Variants in CIB1 observed in about 807,000 individuals in gnomAD.
CIB1 encodes the protein calcium and integrin binding 1.
CIB1 carries 19 observed loss-of-function variants against 25.0 expected under a neutral mutation model. The observed-to-expected ratio is 0.76, with a 90% confidence interval of 0.53 to 1.12. The LOEUF (loss-of-function observed/expected upper bound fraction) is 1.12. Among genes scored for constraint, CIB1 ranks in the 50% most tolerant of loss-of-function variants. CIB1 has a pLI of 0.00. For synonymous variants in CIB1, 104 were observed against 98.5 expected, an observed-to-expected ratio of 1.06 and a Z score of -0.33; for missense variants, 236 against 242.6, an observed-to-expected ratio of 0.97 and a Z score of 0.18.
chr15:90,262,382 G>C, the CIB1 span: 1 of 1,258,794 alleles, frequency 7.9e-7, no homozygotes, highest in Non-Finnish European at 1.1e-6. Flanking sequence ...TCTCGCATCA[G>C]TCCTAAGAAC....
chr15:90,241,527 A>C, the CIB1 span: 1 of 1,613,620 alleles, frequency 6.2e-7, no homozygotes, highest in East Asian at 2.2e-5. Flanking sequence ...CGGCTTCAAC[A>C]GCCTGGGAGG....
the CIB1 span, chr15:90,250,793 C>T: frequency 6.2e-7 from 1 of 1,614,206 alleles, no homozygotes; most frequent in Non-Finnish European, 8.5e-7. Context: ...GGTTCCCTCA[C>T]CCATTATGGC....
At chr15:90,232,943 C>A (rs1383402480) in intron 2 of CIB1, among the ~76,000 whole-genome samples, 2 of 149,436 alleles carry the variant, frequency 1.3e-5, no homozygotes, top group African/African-American at 4.9e-5. Context: ...AAAAAAAAAA[C>A]GGAGAAAAGA....
rs1038638094 is a variant in CIB1 at position 90,230,395 on chromosome 15, C to T, written c.*89G>A. On this transcript the variant is annotated 3_prime_UTR_variant, in exon 7 of 7. Transcript: ENST00000328649. The stretch of plus-strand genomic sequence containing the variant: ...AGCTCCAGGCTGGGCCAGCTTGGCC[C>T]GCACTGGCAACACAGGCTTGACCTT... The T allele has an allele frequency of 1.1e-5, 16 of 1,497,264 alleles. No individual in the cohort carries two copies. Among genetic ancestry groups the T allele is most frequent in the African/African-American group, 9.7e-5 (7 of 71,836 alleles). 92.7% of individuals were successfully genotyped at this position (1,497,264 alleles called of 1,614,324 possible). A position where few individuals can be genotyped will look rare whatever the true frequency, so the allele number is the denominator to read the frequency against.
upstream of CIB1, among the ~76,000 whole-genome samples, chr15:90,238,784 G>A (rs193153443): frequency 6.6e-6 from 1 of 152,238 alleles, no homozygotes; most frequent in East Asian, 1.9e-4. Context: ...CAAAAGAAGT[G>A]GTCATCTTTG....
chr15:90,262,406 C>A, the CIB1 span: 1 of 1,356,954 alleles, frequency 7.4e-7, no homozygotes, highest in Non-Finnish European at 9.7e-7. Flanking sequence ...TTGTAATTTC[C>A]TGCTCTTTCC....
upstream of CIB1, among the ~76,000 whole-genome samples, chr15:90,237,506 G>A (rs900448697): frequency 4.6e-5 from 7 of 151,870 alleles, no homozygotes; most frequent in East Asian, 9.6e-4. Flanking sequence ...GGATGGTCTC[G>A]GTATCTTGAC....
At position 90,233,563 on chromosome 15, in the gene CIB1, C is replaced by T. The variant is rs551434446; in HGVS notation, c.86+106G>A. ...GGTCTCCCGGCCTCCAGCTCCCGCT[C>T]CTCTGCAGACCTCAGGCCAGCCCCC... On this transcript the variant is annotated intron_variant, in intron 2 of 6. Coordinates refer to ENST00000328649, the MANE Select transcript of CIB1 (RefSeq NM_006384.4). The T allele has an allele frequency of 6.5e-6, 9 of 1,392,108 alleles. 1 individual carries two copies. The South Asian group carries it at 9.9e-5, about 15-fold the overall frequency. 86.2% of individuals were successfully genotyped at this position (1,392,108 alleles called of 1,614,324 possible).
the CIB1 span, among the ~76,000 whole-genome samples, chr15:90,261,179 A>G: frequency 6.6e-6 from 1 of 151,224 alleles, no homozygotes; most frequent in Non-Finnish European, 1.5e-5. Context: ...CCTGGGTTCA[A>G]AAAATTTTCC....
chr15:90,258,280 T>C, the CIB1 span: 12 of 1,613,714 alleles, frequency 7.4e-6, no homozygotes, highest in Non-Finnish European at 9.3e-6. Context: ...GTGAGGATTA[T>C]CTCCTAGGCT....
In CIB1 at chr15:90,231,145, C is replaced by T. The variant is rs1596170501; in HGVS notation, c.415G>A (p.Gly139Ser). 1 of 1,614,208 alleles carries T rather than the reference C, an allele frequency of 6.2e-7. No homozygotes were observed. Among genetic ancestry groups the T allele is most frequent in the Non-Finnish European group, 8.5e-7 (1 of 1,180,042 alleles). Residue 139 changes from glycine (G) to serine (S), a missense_variant, in exon 5 of 7, where the codon GGC (glycine) becomes AGC (serine). Coordinates refer to ENST00000328649, the MANE Select transcript of CIB1 (RefSeq NM_006384.4). ...GACGCACTAAGCCGTGTGTCCTCGC[C>T]CTCTCCCGTGAGGCAGTTCACCAGC... ...SRLVNCLTGE[G>S]EDTRLSASEM...
At chr15:90,252,029 A>G in the CIB1 span, among the ~76,000 whole-genome samples, 5,198 of 145,882 alleles carry the variant, frequency 0.036, 307 homozygotes, top group African/African-American at 0.12. Context: ...CTGCACCACT[A>G]TGCTCACCTA....
At chr15:90,265,646 T>G in the CIB1 span, 1 of 1,590,456 alleles carries the variant, frequency 6.3e-7, no homozygotes, top group Non-Finnish European at 8.6e-7. Flanking sequence ...CCCTTCCACT[T>G]CCGGTCTTAC....
the CIB1 span, among the ~76,000 whole-genome samples, chr15:90,256,567 TTCTTTCTTTCTTTC>T: frequency 3.3e-5 from 1 of 30,426 alleles, no homozygotes; most frequent in Non-Finnish European, 6.4e-5. Flanking sequence ...CTTTCTTTCT[TTCTTTCTTTCTTTC>T]TTTCTTTCTT....
the CIB1 span, among the ~76,000 whole-genome samples, chr15:90,259,395 A>C: frequency 2.6e-3 from 395 of 152,228 alleles, 3 homozygotes; most frequent in African/African-American, 9.2e-3. Flanking sequence ...GTTTCAAAAA[A>C]AAAAAAAGTC....
chr15:90,241,457 G>A, the CIB1 span: 80 of 1,613,628 alleles, frequency 5.0e-5, no homozygotes, highest in South Asian at 3.2e-4. Context: ...GCCTGCTGCC[G>A]GGTGCACTGA....
chr15:90,264,534 T>A, the CIB1 span, among the ~76,000 whole-genome samples: 1 of 152,100 alleles, frequency 6.6e-6, no homozygotes, highest in East Asian at 1.9e-4. Flanking sequence ...GTCCCAGCAC[T>A]CAAGAGGTAA....
upstream of CIB1, chr15:90,234,061 G>C (rs1023972656): frequency 5.6e-6 from 4 of 715,156 alleles, no homozygotes; most frequent in East Asian, 1.3e-4. Flanking sequence ...TTTGGCAGGC[G>C]AGCTGCCGGC....
the CIB1 span, among the ~76,000 whole-genome samples, chr15:90,249,245 T>C: frequency 4.1e-5 from 6 of 145,176 alleles, no homozygotes; most frequent in East Asian, 1.2e-3. Flanking sequence ...AAAGGGAGAA[T>C]TGAGGAGAGG....
Sources: gnomAD v4.1 joint callset for allele counts (sites outside exome capture counted in the v4.1 genomes callset) on GRCh38, gnomAD v4.1.1 for gene constraint, MANE v1.5 for transcripts, NCBI Gene and HGNC (gene_info 2026-07-23, HGNC 2026-07-21) for gene names.